DPYD: variants seen among roughly 807,000 people sequenced by gnomAD.
DPYD encodes dihydropyrimidine dehydrogenase.
A neutral mutation model predicts 116.2 loss-of-function variants in DPYD; 109 were observed. That is an observed-to-expected ratio of 0.94 (90% CI 0.80 to 1.10). The LOEUF (loss-of-function observed/expected upper bound fraction) is 1.10. Ranked by LOEUF, DPYD falls within the 50% of genes least tolerant of loss-of-function variation. The pLI is 0.00. For missense variants in DPYD, 1,302 were observed against 1,254.5 expected (o/e 1.04, Z -0.57); for synonymous variants, 440 against 432.0 (o/e 1.02, Z -0.23).
intron 5 of DPYD, among the ~76,000 whole-genome samples, chr1:97,707,061 CG>C (rs1278756771): frequency 6.6e-6 from 1 of 152,022 alleles, no homozygotes; most frequent in African/African-American, 2.4e-5. Context: ...TTTGTGTCTA[CG>C]CCCCCATTTC....
intron 18 of DPYD, among the ~76,000 whole-genome samples, chr1:97,242,453 T>C (rs751173238): frequency 2.8e-4 from 43 of 151,514 alleles, no homozygotes; most frequent in Non-Finnish European, 4.6e-4. Context: ...GGCAAAAAAG[T>C]ATGTGATTAC....
intron 3 of DPYD, among the ~76,000 whole-genome samples, chr1:97,821,495 AGAAT>A (rs1668935928): frequency 6.6e-6 from 1 of 152,180 alleles, no homozygotes; most frequent in Non-Finnish European, 1.5e-5. Flanking sequence ...AGATAAAGAA[AGAAT>A]ATGATGAAAA....
rs547028962 is a variant in DPYD, at chr1:97,246,014, T to A, written c.2300-11020A>T. ...TACAGCAGTTGATGGCGTTTTGTTC[T>A]CTTCTTTGGCCTGTACAACTCTCAA... is the stretch of plus-strand genomic sequence containing the variant. On this transcript the variant is annotated intron_variant, in intron 18 of 22. Transcript: ENST00000370192. Among the ~76,000 whole-genome samples the A allele has an allele frequency of 3.9e-5, 6 of 152,252 alleles. No individual in the cohort carries two copies. The South Asian group carries it at 1.2e-3, about 32-fold the overall frequency.
chr1:97,864,404 G>C (rs1416182842), intron 2 of DPYD, among the ~76,000 whole-genome samples: 3 of 152,024 alleles, frequency 2.0e-5, no homozygotes, highest in Middle Eastern at 6.8e-3. Flanking sequence ...TATTTGAATG[G>C]TGATTGTTTT....
intron 22 of DPYD, among the ~76,000 whole-genome samples, chr1:97,081,084 G>T (rs976182218): frequency 2.6e-5 from 4 of 151,810 alleles, no homozygotes; most frequent in Admixed American, 6.6e-5. Flanking sequence ...GAAAAAAGGT[G>T]ATGAATTGAG....
At chr1:97,424,003 C>T (rs1005009478) in intron 14 of DPYD, among the ~76,000 whole-genome samples, 3 of 151,970 alleles carry the variant, frequency 2.0e-5, no homozygotes, top group East Asian at 3.9e-4. Context: ...TTTAACACAC[C>T]GACACTATGA....
intron 14 of DPYD, among the ~76,000 whole-genome samples, chr1:97,413,701 C>G (rs922840866): frequency 6.6e-6 from 1 of 152,016 alleles, no homozygotes; most frequent in African/African-American, 2.4e-5. Flanking sequence ...GTCTTGAACT[C>G]GAGCTCAAAC....
At chr1:97,586,473 TATATATATATATA>T (rs1557818750) in intron 10 of DPYD, among the ~76,000 whole-genome samples, 6 of 20,372 alleles carry the variant, frequency 2.9e-4, no homozygotes, top group African/African-American at 1.4e-3. Context: ...TACATATATA[TATATATATATATA>T]TATATATATA....
chr1:97,705,938 A>C (rs1461972844), intron 5 of DPYD, among the ~76,000 whole-genome samples: 1 of 151,982 alleles, frequency 6.6e-6, no homozygotes, highest in Non-Finnish European at 1.5e-5. Context: ...TCTTCTTTTG[A>C]GAAGTGTCTG....
intron 2 of DPYD, among the ~76,000 whole-genome samples, chr1:97,870,400 T>C (rs1160177890): frequency 6.6e-6 from 1 of 151,744 alleles, no homozygotes; most frequent in Non-Finnish European, 1.5e-5. Context: ...TATCGTGTTA[T>C]ATAAAAATAC....
At chr1:97,533,051 TAA>T (rs1213248068) in intron 12 of DPYD, among the ~76,000 whole-genome samples, 1 of 152,094 alleles carries the variant, frequency 6.6e-6, no homozygotes, top group South Asian at 2.1e-4. Context: ...GTTCTTGCAT[TAA>T]GTTTTTTTTT....
At chr1:97,701,738 G>A (rs920258597) in intron 5 of DPYD, among the ~76,000 whole-genome samples, 42 of 151,714 alleles carry the variant, frequency 2.8e-4, no homozygotes, top group African/African-American at 9.4e-4. Context: ...GTATTATAGG[G>A]TCAATTTCTA....
intron 21 of DPYD, among the ~76,000 whole-genome samples, chr1:97,092,318 A>C (rs1367089679): frequency 6.6e-6 from 1 of 152,192 alleles, no homozygotes; most frequent in African/African-American, 2.4e-5. Context: ...AGAAACATAC[A>C]TGGATGAATT....
At chr1:97,310,425 C>A (rs942652071) in intron 16 of DPYD, among the ~76,000 whole-genome samples, 5 of 151,774 alleles carry the variant, frequency 3.3e-5, no homozygotes, top group Admixed American at 6.6e-5. Flanking sequence ...CTAGAACTAT[C>A]GAAGGCTTCT....
intron 5 of DPYD, among the ~76,000 whole-genome samples, chr1:97,709,609 T>C (rs1489643257): frequency 1.3e-5 from 2 of 151,750 alleles, no homozygotes; most frequent in Non-Finnish European, 3.0e-5. Context: ...AAGGGAGAGA[T>C]TATATTGATA....
intron 10 of DPYD, among the ~76,000 whole-genome samples, chr1:97,576,919 A>G (rs951810609): frequency 1.3e-5 from 2 of 152,234 alleles, no homozygotes; most frequent in African/African-American, 4.8e-5. Flanking sequence ...TCTGCTATTT[A>G]GCTCGATAGC....
intron 5 of DPYD, among the ~76,000 whole-genome samples, chr1:97,703,636 G>A (rs1225171009): frequency 2.0e-5 from 3 of 151,858 alleles, no homozygotes; most frequent in Non-Finnish European, 2.9e-5. Flanking sequence ...AAAATGCAAA[G>A]ACCTCAGTAG....
chr1:97,201,700 A>G (rs1659215770), intron 19 of DPYD, among the ~76,000 whole-genome samples: 1 of 152,148 alleles, frequency 6.6e-6, no homozygotes, highest in Non-Finnish European at 1.5e-5. Flanking sequence ...TTGGAGCTGT[A>G]CAACATCAAA....
At chr1:97,367,972 G>C (rs546522062) in intron 16 of DPYD, among the ~76,000 whole-genome samples, 109 of 152,140 alleles carry the variant, frequency 7.2e-4, no homozygotes, top group South Asian at 2.1e-4. Flanking sequence ...CTTCCTCATG[G>C]AAAGTTTGAT....
Sources: gnomAD v4.1 joint callset for allele counts (sites outside exome capture counted in the v4.1 genomes callset) on GRCh38, gnomAD v4.1.1 for gene constraint, MANE v1.5 for transcripts, NCBI Gene and HGNC (gene_info 2026-07-23, HGNC 2026-07-21) for gene names.